AAK1: variants seen among roughly 807,000 people sequenced by gnomAD.
AAK1 encodes AP2-associated protein kinase 1.
Under a neutral mutation model 116.0 loss-of-function variants are expected in AAK1, and 37 were observed. That is an observed-to-expected ratio of 0.32 (90% CI 0.25 to 0.42). AAK1 has a LOEUF of 0.42. Ranked by LOEUF, AAK1 falls within the 10% of genes least tolerant of loss-of-function variation. The pLI, the probability that AAK1 is intolerant of heterozygous loss-of-function variation, is 1.00. For missense variants in AAK1, 919 were observed against 1,170.6 expected (o/e 0.79, Z 3.14); for synonymous variants, 458 against 439.9 (o/e 1.04, Z -0.51).
In AAK1 at chr2:69,514,630, TTGCTGCTGCTGC is replaced by T. The variant is rs760720018; in HGVS notation, c.1605_1616del (p.Gln543_Gln546del). The T allele has an allele frequency of 2.6e-6, 3 of 1,144,768 alleles. No homozygotes were observed. The South Asian group carries it at 4.1e-5, about 16-fold the overall frequency. The allele number at this position is 1,144,768 out of a possible 1,614,324, so 70.9% of individuals were successfully genotyped here. On this transcript the variant is annotated inframe_deletion, in exon 13 of 22. Coordinates refer to ENST00000409085, the MANE Select transcript of AAK1 (RefSeq NM_014911.5). ...CCAGCTGTTGCTGTTGCTGTTGTTG[TTGCTGCTGCTGC>T]TGCTGCTGGTAGAAATTCTGCATTA...
chr2:69,536,008 A>G (rs1262899295), intron 5 of AAK1, among the ~76,000 whole-genome samples: 1 of 152,266 alleles, frequency 6.6e-6, no homozygotes, highest in Non-Finnish European at 1.5e-5. Context: ...AGTATTTCAT[A>G]TAATCCTTAC....
At chr2:69,581,633 A>G (rs1672550216) in intron 2 of AAK1, among the ~76,000 whole-genome samples, 1 of 152,214 alleles carries the variant, frequency 6.6e-6, no homozygotes, top group South Asian at 2.1e-4. Context: ...ATGTACATTT[A>G]TGATAACAGG....
chr2:69,560,011 G>C (rs1671565380), intron 2 of AAK1, among the ~76,000 whole-genome samples: 1 of 152,210 alleles, frequency 6.6e-6, no homozygotes, highest in African/African-American at 2.4e-5. Context: ...GATTCTCAAA[G>C]CCTATGACCA....
Position 69,505,609 on chromosome 2 carries a change from T to C in AAK1, c.2229A>G (p.Gln743=). 6.2e-7 allele frequency: 1 copy of C among 1,613,676 alleles called. No individual in the cohort carries two copies. Among genetic ancestry groups the C allele is most frequent in the Non-Finnish European group, 8.5e-7 (1 of 1,179,724 alleles). The change falls in exon 16 of 22, where the codon CAA becomes CAG. Residue 743 remains glutamine, a synonymous_variant. Coordinates refer to ENST00000409085, the MANE Select transcript of AAK1 (RefSeq NM_014911.5). ...ESLIPGFQST[Q]GDAFATTSFS... is the part of the protein sequence containing the mutation. ...ATGAGGTCGTAGCAAAAGCATCACCTTGGGTTGATTGAAAGCCTGGGATCA... is the reference window on the plus strand; with the variant it reads ...ATGAGGTCGTAGCAAAAGCATCACCCTGGGTTGATTGAAAGCCTGGGATCA...
At chr2:69,530,563 C>T in intron 7 of AAK1, 62 bp downstream of exon 7, 2 of 1,388,218 alleles carry the variant, frequency 1.4e-6, no homozygotes, top group Admixed American at 3.4e-5. Flanking sequence ...GTGCATTAAC[C>T]TTGGGAATTC....
rs573493559 is a variant in AAK1, at chr2:69,572,885, T to C, written c.164-15907A>G. On this transcript the variant is annotated intron_variant, in intron 2 of 21. Transcript: ENST00000409085. Reference sequence around the variant, plus strand: ...CTCCAAGGAAGTGAGAGCTGGGTAATAGGAAGAGAAACAAAACTGAGGAGT... The same window carrying C: ...CTCCAAGGAAGTGAGAGCTGGGTAACAGGAAGAGAAACAAAACTGAGGAGT... Among the ~76,000 whole-genome samples, 18 of 151,902 alleles carry C rather than the reference T, an allele frequency of 1.2e-4. 1 individual carries two copies. In the South Asian group the frequency reaches 1.2e-3, roughly 11 times the overall value.
chr2:69,628,630 A>G (rs1675021620), intron 2 of AAK1, among the ~76,000 whole-genome samples: 1 of 152,184 alleles, frequency 6.6e-6, no homozygotes, highest in East Asian at 1.9e-4. Context: ...TCACCACATA[A>G]TTGCTGGGTG....
intron 2 of AAK1, among the ~76,000 whole-genome samples, chr2:69,595,565 G>C (rs1673244883): frequency 6.6e-6 from 1 of 152,206 alleles, no homozygotes; most frequent in African/African-American, 2.4e-5. Flanking sequence ...ATGAAGGCTG[G>C]GGAGGTAAGA....
rs777807997 is a variant in AAK1 at position 69,474,291 on chromosome 2, A to G, written c.*1578T>C. On this transcript the variant is annotated 3_prime_UTR_variant, in exon 22 of 22. Coordinates refer to ENST00000409085, the MANE Select transcript of AAK1 (RefSeq NM_014911.5). Reference sequence around the variant, plus strand: ...TTATTTGTACAGATCTGATTAACTAAGAGTTTCCCTTTTGATGATGGACAA... The same window carrying G: ...TTATTTGTACAGATCTGATTAACTAGGAGTTTCCCTTTTGATGATGGACAA... 147 of 985,742 alleles carry G rather than the reference A, an allele frequency of 1.5e-4. No individual in the cohort carries two copies. Among genetic ancestry groups the G allele is most frequent in the Non-Finnish European group, 9.4e-5 (78 of 829,930 alleles). 61.1% of individuals were successfully genotyped at this position (985,742 alleles called of 1,614,324 possible). A position where few individuals can be genotyped will look rare whatever the true frequency, so the allele number is the denominator to read the frequency against.
intron 2 of AAK1, among the ~76,000 whole-genome samples, chr2:69,606,618 C>T (rs1044832800): frequency 2.0e-5 from 3 of 152,310 alleles, no homozygotes; most frequent in African/African-American, 7.2e-5. Flanking sequence ...AATCATTGAT[C>T]ACTCAATAAA....
intron 2 of AAK1, among the ~76,000 whole-genome samples, chr2:69,558,036 C>G (rs1245032873): frequency 6.6e-6 from 1 of 152,150 alleles, no homozygotes; most frequent in Admixed American, 6.5e-5. Context: ...AAAGACAGTT[C>G]ACAATTCATT....
intron 5 of AAK1, among the ~76,000 whole-genome samples, chr2:69,538,863 G>A (rs897177689): frequency 6.6e-6 from 1 of 152,098 alleles, no homozygotes; most frequent in Non-Finnish European, 1.5e-5. Context: ...GCCTGGGCAA[G>A]AGAGCAAGAC....
chr2:69,533,109 C>T (rs1054571233), intron 5 of AAK1, among the ~76,000 whole-genome samples: 12 of 152,164 alleles, frequency 7.9e-5, no homozygotes, highest in Admixed American at 3.3e-4. Flanking sequence ...TCTCCATTGT[C>T]TTTTGCCTTC....
At chr2:69,584,956 G>A (rs371397682) in intron 2 of AAK1, among the ~76,000 whole-genome samples, 1 of 152,206 alleles carries the variant, frequency 6.6e-6, no homozygotes, top group East Asian at 1.9e-4. Flanking sequence ...TTACCAATCT[G>A]TTTTTAGGGA....
At chr2:69,544,870 AG>A (rs1262103704) in intron 3 of AAK1, among the ~76,000 whole-genome samples, 2 of 152,202 alleles carry the variant, frequency 1.3e-5, no homozygotes. Flanking sequence ...GAAACACTGC[AG>A]GGGGTAAAGA....
chr2:69,579,542 G>C (rs1457544709), intron 2 of AAK1, among the ~76,000 whole-genome samples: 1 of 152,188 alleles, frequency 6.6e-6, no homozygotes, highest in Non-Finnish European at 1.5e-5. Context: ...AGCTGAGACT[G>C]TGCCACTGCA....
At chr2:69,587,308 T>C (rs1278328080) in intron 2 of AAK1, among the ~76,000 whole-genome samples, 17 of 150,686 alleles carry the variant, frequency 1.1e-4, no homozygotes, top group Admixed American at 1.1e-3. Context: ...TATACGCATG[T>C]ATATATACGC....
At chr2:69,529,948 C>G in intron 8 of AAK1, 60 bp downstream of exon 8, 1 of 1,377,806 alleles carries the variant, frequency 7.3e-7, no homozygotes, top group Non-Finnish European at 9.7e-7. Context: ...CCCTTTATCC[C>G]CCAATTCATT....
At chr2:69,508,791 G>A (rs533541040) in intron 14 of AAK1, among the ~76,000 whole-genome samples, 15 of 152,312 alleles carry the variant, frequency 9.8e-5, no homozygotes, top group Admixed American at 5.2e-4. Flanking sequence ...CAAAGGGCTC[G>A]GGAAGGTGAA....
Sources: gnomAD v4.1 joint callset for allele counts (sites outside exome capture counted in the v4.1 genomes callset) on GRCh38, gnomAD v4.1.1 for gene constraint, MANE v1.5 for transcripts, NCBI Gene and HGNC (gene_info 2026-07-23, HGNC 2026-07-21) for gene names.